RASIP1: variants seen among roughly 807,000 people sequenced by gnomAD.
The protein encoded by RASIP1 is ras-interacting protein 1.
RASIP1 carries 20 observed loss-of-function variants against 85.3 expected under a neutral mutation model. The observed-to-expected ratio is 0.23, with a 90% confidence interval of 0.17 to 0.34. The LOEUF is 0.34. Ranked by LOEUF, RASIP1 falls within the 10% of genes least tolerant of loss-of-function variation. The pLI is 1.00. For missense variants in RASIP1, 1,170 were observed against 1,390.9 expected (o/e 0.84, Z 2.53); for synonymous variants, 617 against 647.1 (o/e 0.95, Z 0.71).
In RASIP1 at chr19:48,724,459, T is replaced by C; in HGVS notation, c.2422A>G (p.Asn808Asp). The C allele has an allele frequency of 1.9e-6, 3 of 1,614,194 alleles. No homozygotes were observed. The highest frequency in any genetic ancestry group is 2.5e-6 in the Non-Finnish European group (3 of 1,180,028). The change falls in exon 10 of 12, where the codon AAC (asparagine) becomes GAC (aspartate). Residue 808 changes from asparagine (N) to aspartate (D), a missense_variant. Physicochemically the swap from Asn to Asp is conservative, Grantham distance 23. Transcript: ENST00000222145. The surrounding 1 kb of genome is among the most constrained non-coding windows in gnomAD (Gnocchi z 4.6). ...QWSRAVQIRT[N>D]LDLVLDWLQG... ...AGCCAGTCCAAGACGAGGTCCAGGT[T>C]GGTTCGGATTTGAACAGCTCGGGAC... is the stretch of plus-strand genomic sequence containing the variant.
intron 4 of RASIP1, among the ~76,000 whole-genome samples, chr19:48,731,427 C>T (rs1449966681): frequency 6.6e-6 from 1 of 152,134 alleles, no homozygotes; most frequent in African/African-American, 2.4e-5. Context: ...TTCCAATCCC[C>T]AAAAAGGACA....
chr19:48,731,259 C>G (rs2033452565), intron 4 of RASIP1, among the ~76,000 whole-genome samples: 1 of 152,074 alleles, frequency 6.6e-6, no homozygotes, highest in Admixed American at 6.6e-5. Context: ...TCCCACCCCC[C>G]TAACAGAGGA....
At chr19:48,731,241 C>T (rs1313738910) in intron 4 of RASIP1, among the ~76,000 whole-genome samples, 1 of 152,094 alleles carries the variant, frequency 6.6e-6, no homozygotes, top group African/African-American at 2.4e-5. Flanking sequence ...AATGGACTCA[C>T]CTATTATTCC....
intron 4 of RASIP1, among the ~76,000 whole-genome samples, chr19:48,730,485 C>A (rs2033436243): frequency 6.6e-6 from 1 of 152,014 alleles, no homozygotes; most frequent in Non-Finnish European, 1.5e-5. Flanking sequence ...TTAACATGGG[C>A]TCTACCATTT....
chr19:48,735,506 G>A lies in RASIP1; in HGVS notation c.869C>T (p.Ala290Val), dbSNP rs1312328552. 3.2e-6 allele frequency: 5 copies of A among 1,549,920 alleles called. No individual in the cohort carries two copies. Among genetic ancestry groups the A allele is most frequent in the Admixed American group, 2.0e-5 (1 of 50,890 alleles). ...SWRPQKNRSRAASGGAALASP... is the reference protein window; with the variant it reads ...SWRPQKNRSRVASGGAALASP... Reference sequence around the variant, plus strand: ...GGCCAGCGCTGCCCCACCCGACGCCGCCCGGGAGCGGTTCTTCTGTGGCCG... The same window carrying A: ...GGCCAGCGCTGCCCCACCCGACGCCACCCGGGAGCGGTTCTTCTGTGGCCG... The change falls in exon 4 of 12, where the codon GCG becomes GTG. Residue 290 changes from alanine (A) to valine (V), a missense_variant. Ala to Val is a moderately conservative substitution (Grantham distance 64). Around this residue, in one of 4 missense-constraint regions of RASIP1, gnomAD observed 301 missense variants for 294.8 expected, o/e 1.02. Transcript: ENST00000222145.
At chr19:48,733,966 C>T (rs1290166468) in intron 4 of RASIP1, among the ~76,000 whole-genome samples, 5 of 151,976 alleles carry the variant, frequency 3.3e-5, no homozygotes, top group Non-Finnish European at 7.4e-5. Flanking sequence ...ATAGATATTT[C>T]CAAGGGGATC....
intron 10 of RASIP1, 21 bp from the exon 11 acceptor site, chr19:48,722,022 G>A: frequency 7.2e-7 from 1 of 1,396,094 alleles, no homozygotes; most frequent in Non-Finnish European, 9.6e-7. Flanking sequence ...GACCAGGTGA[G>A]AGGTTGATGG....
chr19:48,725,782 TTATC>T (rs1228627627), intron 8 of RASIP1, among the ~76,000 whole-genome samples: 2 of 152,176 alleles, frequency 1.3e-5, no homozygotes, highest in Non-Finnish European at 2.9e-5. Flanking sequence ...TATCAATCAT[TTATC>T]TATCTATTAT....
Position 48,729,235 on chromosome 19 carries a change from G to T in RASIP1, c.1535C>A (p.Pro512Gln). Reference sequence around the variant, plus strand: ...ACAGGAGAAGGCCCAGCCAGGGCCTGGCGGCGTGGCCCCGGGGCGCGCGGG... The same window carrying T: ...ACAGGAGAAGGCCCAGCCAGGGCCTTGCGGCGTGGCCCCGGGGCGCGCGGG... ...WLPARPGATP[P>Q]GPGWAFSCRL... is the part of the protein sequence containing the mutation. Residue 512 changes from proline to glutamine, a missense_variant, in exon 5 of 12, where the codon CCA becomes CAA. By Grantham distance (76) the Pro-to-Gln change is moderately conservative. Transcript: ENST00000222145. The T allele has an allele frequency of 7.1e-7, 1 of 1,400,254 alleles. No homozygotes were observed. The highest frequency in any genetic ancestry group is 9.2e-7 in the Non-Finnish European group (1 of 1,081,998). The allele number at this position is 1,400,254 out of a possible 1,614,324, so 86.7% of individuals were successfully genotyped here. A position where few individuals can be genotyped will look rare whatever the true frequency, so the allele number is the denominator to read the frequency against.
At position 48,724,545 on chromosome 19, in the gene RASIP1, G is replaced by T; in HGVS notation, c.2372-36C>A. On this transcript the variant is annotated intron_variant, in intron 9 of 11. Transcript: ENST00000222145. This position sits in a 1 kb window ranked among gnomAD's most constrained non-coding sequence, Gnocchi z 4.6. Reference sequence around the variant, plus strand: ...TAAAGGTATGAGAGGCAGTTGGTTGGCTGGACTCTGTGCTCCTGCCTCCCA... The same window carrying T: ...TAAAGGTATGAGAGGCAGTTGGTTGTCTGGACTCTGTGCTCCTGCCTCCCA... 6.3e-7 allele frequency: 1 copy of T among 1,599,862 alleles called. No individual in the cohort carries two copies. The highest frequency in any genetic ancestry group is 8.5e-7 in the Non-Finnish European group (1 of 1,169,780).
In RASIP1 at chr19:48,721,972, G is replaced by T; in HGVS notation, c.2574C>A (p.His858Gln). 1 of 1,523,796 alleles carries T rather than the reference G, an allele frequency of 6.6e-7. No homozygotes were observed. The highest frequency in any genetic ancestry group is 8.9e-7 in the Non-Finnish European group (1 of 1,127,572). 94.4% of individuals were successfully genotyped at this position (1,523,796 alleles called of 1,614,324 possible). A position where few individuals can be genotyped will look rare whatever the true frequency, so the allele number is the denominator to read the frequency against. Residue 858 changes from histidine (H) to glutamine (Q), a missense_variant, in exon 11 of 12, where the codon CAC (histidine) becomes CAA (glutamine). His to Gln is a conservative substitution (Grantham distance 24). Transcript: ENST00000222145. Reference protein sequence around the residue: ...KASWSSLRTDHPTLTPAQLHH... With the variant: ...KASWSSLRTDQPTLTPAQLHH... The stretch of plus-strand genomic sequence containing the variant: ...GCAGCTGGGCGGGGGTCAAGGTGGG[G>T]TGGTCGGTTCTTAGGCTGCTCCATG...
At position 48,729,227 on chromosome 19, in the gene RASIP1, C is replaced by T. The variant is rs959424024; in HGVS notation, c.1543G>A (p.Gly515Ser). Residue 515 changes from glycine (G) to serine (S), a missense_variant, in exon 5 of 12, where the codon GGC (glycine) becomes AGC (serine). Coordinates refer to ENST00000222145, the MANE Select transcript of RASIP1 (RefSeq NM_017805.3). ...CACAGGCGACAGGAGAAGGCCCAGC[C>T]AGGGCCTGGCGGCGTGGCCCCGGGG... ...ARPGATPPGP[G>S]WAFSCRLCGR... 5 of 1,383,944 alleles carry T rather than the reference C, an allele frequency of 3.6e-6. No individual in the cohort carries two copies. Among genetic ancestry groups the T allele is most frequent in the Non-Finnish European group, 4.7e-6 (5 of 1,073,086 alleles). The allele number at this position is 1,383,944 out of a possible 1,614,324, so 85.7% of individuals were successfully genotyped here. A position where few individuals can be genotyped will look rare whatever the true frequency, so the allele number is the denominator to read the frequency against.
chr19:48,723,020 G>A (rs1255650487), intron 10 of RASIP1, among the ~76,000 whole-genome samples: 5 of 151,898 alleles, frequency 3.3e-5, no homozygotes, highest in African/African-American at 1.2e-4. Flanking sequence ...GGAGTGGCTG[G>A]GACCACAGAC....
chr19:48,729,699 CCTT>C (rs1195135396), intron 4 of RASIP1, 109 bp from the exon 5 acceptor site: 14,694 of 729,150 alleles, frequency 0.02, 2,312 homozygotes, highest in Middle Eastern at 0.029. Flanking sequence ...CTTTTTTTTT[CCTT>C]CTTCTTCTTT....
At chr19:48,727,502 T>C (rs1400885603) in intron 5 of RASIP1, 72 bp from the exon 6 acceptor site, 12 of 1,485,778 alleles carry the variant, frequency 8.1e-6, no homozygotes, top group Non-Finnish European at 1.1e-5. Flanking sequence ...TACCCTGGTT[T>C]TTATAGAAGC....
chr19:48,721,157 G>A (rs1164530009), intron 11 of RASIP1, among the ~76,000 whole-genome samples, 160 bp from the exon 12 acceptor site: 1 of 152,176 alleles, frequency 6.6e-6, no homozygotes, highest in Non-Finnish European at 1.5e-5. Context: ...AGGAGCCCCT[G>A]GGCATGATGG....
Position 48,739,049 on chromosome 19 carries a change from C to G in RASIP1, c.734G>C (p.Arg245Pro), listed in dbSNP as rs2122489298. 2 of 1,251,282 alleles carry G rather than the reference C, an allele frequency of 1.6e-6. No homozygotes were observed. Among genetic ancestry groups the G allele is most frequent in the Non-Finnish European group, 2.0e-6 (2 of 1,001,882 alleles). 77.5% of individuals were successfully genotyped at this position (1,251,282 alleles called of 1,614,324 possible). A position where few individuals can be genotyped will look rare whatever the true frequency, so the allele number is the denominator to read the frequency against. Reference sequence around the variant, plus strand: ...CTCGAAGCGCCGCGCCCAGCCGGGCCGCGCCCGCCACAGCTCCTGCACCAG... The same window carrying G: ...CTCGAAGCGCCGCGCCCAGCCGGGCGGCGCCCGCCACAGCTCCTGCACCAG... Reference protein sequence around the residue: ...PLLVQELWRARPGWARRFELR... With the variant: ...PLLVQELWRAPPGWARRFELR... Residue 245 changes from arginine (R) to proline (P), a missense_variant, in exon 3 of 12, where the codon CGG becomes CCG. Arg to Pro is a moderately radical substitution (Grantham distance 103). Around this residue, in one of 4 missense-constraint regions of RASIP1, gnomAD observed 299 missense variants for 394.4 expected, o/e 0.76. Coordinates refer to ENST00000222145, the MANE Select transcript of RASIP1 (RefSeq NM_017805.3). This position sits in a 1 kb window ranked among gnomAD's most constrained non-coding sequence, Gnocchi z 9.2.
chr19:48,737,602 A>G (rs1368842003), intron 3 of RASIP1: 2 of 985,226 alleles, frequency 2.0e-6, no homozygotes, highest in African/African-American at 3.5e-5. Context: ...TAGTCCCAGC[A>G]GGCCTGATCT....
intron 10 of RASIP1, among the ~76,000 whole-genome samples, chr19:48,722,216 T>G (rs2122413428): frequency 6.6e-6 from 1 of 151,818 alleles, no homozygotes; most frequent in Admixed American, 6.6e-5. Flanking sequence ...TCAGGATAAT[T>G]GAGGATACAG....
Sources: gnomAD v4.1 joint callset for allele counts (sites outside exome capture counted in the v4.1 genomes callset) on GRCh38, gnomAD v4.1.1 for gene constraint, gnomAD v4.1.1 regional missense constraint, Gnocchi (gnomAD v3.1) non-coding constraint, MANE v1.5 for transcripts, NCBI Gene and HGNC (gene_info 2026-07-23, HGNC 2026-07-21) for gene names.